IQCH: variants seen among roughly 807,000 people sequenced by gnomAD.
IQCH encodes IQ domain-containing protein H.
IQCH carries 98 observed loss-of-function variants against 117.0 expected under a neutral mutation model. The ratio of observed to expected loss-of-function variants is 0.84; its 90% CI spans 0.71 to 0.99. The LOEUF is 0.99. IQCH is among the 50% of genes least tolerant of loss of function. The pLI, the probability that IQCH is intolerant of heterozygous loss-of-function variation, is 0.00. For synonymous variants in IQCH, 412 were observed against 448.2 expected (o/e 0.92, Z 1.02); for missense variants, 1,102 against 1,243.8 (o/e 0.89, Z 1.72).
intron 4 of IQCH, among the ~76,000 whole-genome samples, chr15:67,294,549 G>T (rs144547232): frequency 2.0e-5 from 3 of 152,218 alleles, no homozygotes; most frequent in African/African-American, 4.8e-5. Context: ...ATGTTCCTTT[G>T]CCCCTATTTC....
chr15:67,360,999 C>G (rs978719268), intron 8 of IQCH, among the ~76,000 whole-genome samples: 2 of 152,252 alleles, frequency 1.3e-5, no homozygotes, highest in Non-Finnish European at 2.9e-5. Context: ...ATATTTGTAA[C>G]TGCTAATGTT....
rs1413994324 is a variant in IQCH at position 67,386,062 on chromosome 15, CAG to C, written c.1456+1045_1456+1046del. ...TGCTTTAATCTATTATCTAGGCACT[CAG>C]ATTGTTTTTCAGCATTACAAAAAAA... is the stretch of plus-strand genomic sequence containing the variant. On this transcript the variant is annotated intron_variant, in intron 11 of 20. Coordinates refer to ENST00000335894, the MANE Select transcript of IQCH (RefSeq NM_001031715.3). The surrounding 1 kb of genome is among the most constrained non-coding windows in gnomAD (Gnocchi z 5.0). Among the ~76,000 whole-genome samples, 2 of 152,094 alleles carry C rather than the reference CAG, an allele frequency of 1.3e-5. No homozygotes were observed. Among genetic ancestry groups the C allele is most frequent in the African/African-American group, 4.8e-5 (2 of 41,408 alleles).
In IQCH at chr15:67,433,864, G is replaced by C. The variant is rs1339889696; in HGVS notation, c.2505+12287G>C. Among the ~76,000 whole-genome samples the C allele has an allele frequency of 6.6e-6, 1 of 152,258 alleles. No individual in the cohort carries two copies. The highest frequency in any genetic ancestry group is 2.4e-5 in the African/African-American group (1 of 41,542). On this transcript the variant is annotated intron_variant, in intron 16 of 20. Transcript: ENST00000335894. This position sits in a 1 kb window ranked among gnomAD's most constrained non-coding sequence, Gnocchi z 5.4. ...AAAACAAAGCTGAAAGTTGTTTCTA[G>C]TTCCAGCTGTCACCTGTGGTCAAGA... is the stretch of plus-strand genomic sequence containing the variant.
At chr15:67,497,737 G>C (rs1050642559) in intron 20 of IQCH, among the ~76,000 whole-genome samples, 1 of 152,092 alleles carries the variant, frequency 6.6e-6, no homozygotes, top group African/African-American at 2.4e-5. Context: ...TGATCCGCCC[G>C]CCTCGGCCTC....
chr15:67,458,663 T>A lies in IQCH; in HGVS notation c.2506-6464T>A, dbSNP rs2082716648. Reference sequence around the variant, plus strand: ...CAGTAAAACAGAGGGAACCATGGCCTACCCATGGCTGTATTCTCTACCAAC... The same window carrying A: ...CAGTAAAACAGAGGGAACCATGGCCAACCCATGGCTGTATTCTCTACCAAC... On this transcript the variant is annotated intron_variant, in intron 16 of 20. Coordinates refer to ENST00000335894, the MANE Select transcript of IQCH (RefSeq NM_001031715.3). The surrounding 1 kb of genome is among the most constrained non-coding windows in gnomAD (Gnocchi z 4.1). Among the ~76,000 whole-genome samples the A allele has an allele frequency of 6.6e-6, 1 of 152,236 alleles. No homozygotes were observed. The highest frequency in any genetic ancestry group is 6.5e-5 in the Admixed American group (1 of 15,286).
Position 67,494,414 on chromosome 15 carries a change from C to A in IQCH, c.2970+48C>A. The A allele has an allele frequency of 8.2e-7, 1 of 1,215,544 alleles. No individual in the cohort carries two copies. The highest frequency in any genetic ancestry group is 1.2e-6 in the Non-Finnish European group (1 of 832,502). 75.3% of individuals were successfully genotyped at this position (1,215,544 alleles called of 1,614,324 possible). On this transcript the variant is annotated intron_variant, in intron 20 of 20. Transcript: ENST00000335894. The surrounding 1 kb of genome is among the most constrained non-coding windows in gnomAD (Gnocchi z 5.5). ...ATTCTGGTTAATTTCTATACAAGGG[C>A]TGAAAATACCTCATGCTGTATTGTA...
chr15:67,402,801 G>T (rs996876036), intron 14 of IQCH, among the ~76,000 whole-genome samples: 1 of 152,168 alleles, frequency 6.6e-6, no homozygotes, highest in Admixed American at 6.5e-5. Flanking sequence ...TTTATGATAC[G>T]ATACCGTGAT....
At position 67,407,339 on chromosome 15, in the gene IQCH, G is replaced by A. The variant is rs1336499965; in HGVS notation, c.2097+7034G>A. The stretch of plus-strand genomic sequence containing the variant: ...GTTGGTGTATTTTCTAATTAGTGTA[G>A]CAGCACGTCACCACAATCATTGGAA... On this transcript the variant is annotated intron_variant, in intron 14 of 20. Transcript: ENST00000335894. The surrounding 1 kb of genome is among the most constrained non-coding windows in gnomAD (Gnocchi z 5.3). 6.6e-6 allele frequency: 1 copy of A among 152,178 alleles called. No homozygotes were observed. Among genetic ancestry groups the A allele is most frequent in the Non-Finnish European group, 1.5e-5 (1 of 68,030 alleles). The allele number at this position is 152,178 out of a possible 1,614,324, so 9.4% of individuals were successfully genotyped here. A position where few individuals can be genotyped will look rare whatever the true frequency, so the allele number is the denominator to read the frequency against.
rs185926971 is a variant in IQCH, at chr15:67,478,060, G to A, written c.2799+2242G>A. On this transcript the variant is annotated intron_variant, in intron 18 of 20. Coordinates refer to ENST00000335894, the MANE Select transcript of IQCH (RefSeq NM_001031715.3). ...CGCAGAGGAGAAGGTTCTACTGAGG[G>A]TCAGGGAGCTCACTGAAGACAGCTA... Among the ~76,000 whole-genome samples, 39 of 152,308 alleles carry A rather than the reference G, an allele frequency of 2.6e-4. 1 individual carries two copies. In the East Asian group the frequency reaches 7.1e-3, roughly 28 times the overall value.
intron 8 of IQCH, among the ~76,000 whole-genome samples, chr15:67,361,868 G>A (rs141306591): frequency 2.8e-4 from 43 of 152,280 alleles, no homozygotes; most frequent in Middle Eastern, 6.8e-3. Context: ...AAGGTTTGAG[G>A]TTGTTAAAAT....
chr15:67,267,977 G>C (rs887892343), intron 3 of IQCH, among the ~76,000 whole-genome samples: 1 of 151,956 alleles, frequency 6.6e-6, no homozygotes, highest in Non-Finnish European at 1.5e-5. Flanking sequence ...AAACTTACGA[G>C]GTAAATGTTT....
At chr15:67,483,888 G>A (rs566354888) in intron 18 of IQCH, among the ~76,000 whole-genome samples, 2 of 152,282 alleles carry the variant, frequency 1.3e-5, no homozygotes, top group Non-Finnish European at 2.9e-5. Flanking sequence ...AAATATAACA[G>A]TAGCTGGGAG....
rs1966613974 is a variant in IQCH at position 67,287,726 on chromosome 15, CTTTATTTCA to C, written c.387+8223_387+8231del. On this transcript the variant is annotated intron_variant, in intron 4 of 20. Coordinates refer to ENST00000335894, the MANE Select transcript of IQCH (RefSeq NM_001031715.3). ...ATTTTTGTTTCATTGATATTTTGTACTTTATTTCATTTATTTCTGCTCTGATCTTTATTA... is the reference window on the plus strand; with the variant it reads ...ATTTTTGTTTCATTGATATTTTGTACTTTATTTCTGCTCTGATCTTTATTA... Among the ~76,000 whole-genome samples, 3 of 151,720 alleles carry C rather than the reference CTTTATTTCA, an allele frequency of 2.0e-5. No homozygotes were observed. The South Asian group carries it at 6.2e-4, about 32-fold the overall frequency.
chr15:67,315,182 T>C (rs1967788555), intron 4 of IQCH, among the ~76,000 whole-genome samples: 1 of 152,216 alleles, frequency 6.6e-6, no homozygotes, highest in African/African-American at 2.4e-5. Flanking sequence ...GACCTGAATG[T>C]TCAAATCAGC....
rs921584882 is a variant in IQCH at position 67,500,372 on chromosome 15, G to C, written c.2971-261G>C. Among the ~76,000 whole-genome samples the C allele has an allele frequency of 6.6e-6, 1 of 152,052 alleles. No homozygotes were observed. Among genetic ancestry groups the C allele is most frequent in the Non-Finnish European group, 1.5e-5 (1 of 67,978 alleles). The stretch of plus-strand genomic sequence containing the variant: ...GAAAAATACGATTAAAAAAATTAAA[G>C]ATGTACAATTTAGAAGCCCAATGTT... On this transcript the variant is annotated intron_variant, in intron 20 of 20. Transcript: ENST00000335894. This position sits in a 1 kb window ranked among gnomAD's most constrained non-coding sequence, Gnocchi z 4.4.
rs1319020461 is a variant in IQCH at position 67,443,811 on chromosome 15, C to T, written c.2506-21316C>T. ...TAATTACGAATGATAATATTAACTA[C>T]TTACTGTATTTGTATCATGTGCCAA... On this transcript the variant is annotated intron_variant, in intron 16 of 20. Coordinates refer to ENST00000335894, the MANE Select transcript of IQCH (RefSeq NM_001031715.3). The surrounding 1 kb of genome is among the most constrained non-coding windows in gnomAD (Gnocchi z 5.0). 6.6e-6 allele frequency among the ~76,000 whole-genome samples: 1 copy of T among 152,206 alleles called. No homozygotes were observed. Among genetic ancestry groups the T allele is most frequent in the Non-Finnish European group, 1.5e-5 (1 of 68,050 alleles).
intron 4 of IQCH, among the ~76,000 whole-genome samples, chr15:67,331,755 C>G (rs759435666): frequency 2.6e-5 from 4 of 152,208 alleles, no homozygotes; most frequent in Non-Finnish European, 5.9e-5. Context: ...TCTCCATCAG[C>G]TCCTCATTAC....
At chr15:67,418,883 A>C (rs1596338976) in intron 15 of IQCH, among the ~76,000 whole-genome samples, 2 of 151,164 alleles carry the variant, frequency 1.3e-5, no homozygotes, top group African/African-American at 4.9e-5. Flanking sequence ...CAGCCTAATA[A>C]GGTTTTTTTT....
At chr15:67,349,351 G>T (rs1223349282) in intron 6 of IQCH, among the ~76,000 whole-genome samples, 1 of 152,168 alleles carries the variant, frequency 6.6e-6, no homozygotes, top group Admixed American at 6.5e-5. Context: ...AGGCACAGTG[G>T]CTTATGCCTG....
Sources: gnomAD v4.1 joint callset for allele counts (sites outside exome capture counted in the v4.1 genomes callset) on GRCh38, gnomAD v4.1.1 for gene constraint, Gnocchi (gnomAD v3.1) non-coding constraint, MANE v1.5 for transcripts, NCBI Gene and HGNC (gene_info 2026-07-23, HGNC 2026-07-21) for gene names.